Variants in ANO3 observed in about 807,000 individuals in gnomAD.
ANO3 encodes anoctamin 3.
Under a neutral mutation model 144.8 loss-of-function variants are expected in ANO3, and 99 were observed. The ratio of observed to expected loss-of-function variants is 0.68; its 90% CI spans 0.58 to 0.81. ANO3 has a LOEUF of 0.81. ANO3 is among the 30% of genes least tolerant of loss of function. The pLI, the probability that ANO3 is intolerant of heterozygous loss-of-function variation, is 0.00. For missense variants in ANO3, 905 were observed against 1,202.2 expected (o/e 0.75, Z 3.66); for synonymous variants, 414 against 392.6 (o/e 1.05, Z -0.64).
At chr11:26,643,753 T>C (rs1366327757) in intron 23 of ANO3, among the ~76,000 whole-genome samples, 1 of 151,958 alleles carries the variant, frequency 6.6e-6, no homozygotes, top group Non-Finnish European at 1.5e-5. Context: ...GATTAAGCCA[T>C]GATCCCTCAT....
At chr11:26,426,155 G>A (rs1454354924) in intron 1 of ANO3, among the ~76,000 whole-genome samples, 1 of 152,120 alleles carries the variant, frequency 6.6e-6, no homozygotes, top group Non-Finnish European at 1.5e-5. Flanking sequence ...AATAAGAAAA[G>A]TCTAACAATA....
chr11:26,360,366 TC>T (rs1855894715), intron 1 of ANO3, among the ~76,000 whole-genome samples: 1 of 151,984 alleles, frequency 6.6e-6, no homozygotes, highest in African/African-American at 2.4e-5. Flanking sequence ...CTGATGTACT[TC>T]CCTGCAGCGT....
chr11:26,302,161 T>C (rs1854248438), intron 1 of ANO3, among the ~76,000 whole-genome samples: 2 of 152,088 alleles, frequency 1.3e-5, no homozygotes, highest in Non-Finnish European at 2.9e-5. Flanking sequence ...GTGAGGAGAA[T>C]AGCTAATTCA....
At chr11:26,639,286 A>G in intron 21 of ANO3, 45 bp downstream of exon 21, 5 of 1,469,804 alleles carry the variant, frequency 3.4e-6, no homozygotes, top group African/African-American at 1.4e-5. Flanking sequence ...AGTTACAAAG[A>G]GGAAAGCTAG....
intron 21 of ANO3, among the ~76,000 whole-genome samples, chr11:26,641,678 C>T (rs1241591519): frequency 6.6e-6 from 1 of 152,018 alleles, no homozygotes; most frequent in Non-Finnish European, 1.5e-5. Context: ...CTCTCCTATG[C>T]TAAAGTTTTT....
intron 1 of ANO3, among the ~76,000 whole-genome samples, chr11:26,356,645 C>T (rs551382215): frequency 6.6e-6 from 1 of 152,174 alleles, no homozygotes; most frequent in South Asian, 2.1e-4. Flanking sequence ...AAGAAACTAC[C>T]ACAAATTAGT....
At chr11:26,530,562 A>AAT (rs1282252018) in intron 7 of ANO3, among the ~76,000 whole-genome samples, 3 of 151,404 alleles carry the variant, frequency 2.0e-5, no homozygotes. Context: ...GCTTAAAAAA[A>AAT]AAAAAACTCT....
At chr11:26,574,629 C>T (rs551380430) in intron 14 of ANO3, among the ~76,000 whole-genome samples, 46 of 151,950 alleles carry the variant, frequency 3.0e-4, no homozygotes, top group African/African-American at 7.0e-4. Context: ...TAGAATTTAA[C>T]GGCTGGGAAA....
upstream of ANO3, among the ~76,000 whole-genome samples, chr11:26,304,712 A>G (rs947903021): frequency 6.6e-6 from 1 of 152,194 alleles, no homozygotes; most frequent in African/African-American, 2.4e-5. Context: ...ATTATGTTAT[A>G]CAAGTTTTCT....
At chr11:26,525,229 A>T (rs917482405) in intron 6 of ANO3, among the ~76,000 whole-genome samples, 1 of 152,128 alleles carries the variant, frequency 6.6e-6, no homozygotes, top group Non-Finnish European at 1.5e-5. Flanking sequence ...AGAAGTATTT[A>T]TTACATACGT....
intron 3 of ANO3, among the ~76,000 whole-genome samples, chr11:26,455,050 A>G (rs1859099014): frequency 6.6e-6 from 1 of 152,028 alleles, no homozygotes; most frequent in Admixed American, 6.6e-5. Context: ...CTCTCAATAA[A>G]TTAGGTATTG....
intron 4 of ANO3, among the ~76,000 whole-genome samples, chr11:26,483,701 C>T (rs1860323211): frequency 2.0e-5 from 3 of 152,046 alleles, no homozygotes; most frequent in East Asian, 1.9e-4. Context: ...CAAGAATGAA[C>T]TAATACAGAA....
chr11:26,571,062 A>G (rs559209809), intron 14 of ANO3, among the ~76,000 whole-genome samples: 1 of 152,252 alleles, frequency 6.6e-6, no homozygotes, highest in African/African-American at 2.4e-5. Flanking sequence ...TGGCTAAAAG[A>G]CTTAGGCTAT....
At chr11:26,405,107 T>A (rs975423976) in intron 1 of ANO3, among the ~76,000 whole-genome samples, 1 of 151,682 alleles carries the variant, frequency 6.6e-6, no homozygotes, top group Non-Finnish European at 1.5e-5. Context: ...AAATGTTACT[T>A]TTTTCTCCTC....
intron 12 of ANO3, among the ~76,000 whole-genome samples, chr11:26,549,654 A>G (rs904604840): frequency 2.0e-5 from 3 of 152,080 alleles, no homozygotes; most frequent in South Asian, 2.1e-4. Flanking sequence ...ATGATTGTAT[A>G]TACATACATG....
chr11:26,602,614 T>C (rs1851831468), intron 17 of ANO3, among the ~76,000 whole-genome samples: 1 of 149,290 alleles, frequency 6.7e-6, no homozygotes, highest in Admixed American at 6.7e-5. Flanking sequence ...AAGCCAAGTG[T>C]GGTGGTGCAC....
At position 26,562,214 on chromosome 11, in the gene ANO3, CT is replaced by C. The variant is rs148264119; in HGVS notation, c.1447+2440del. Among the ~76,000 whole-genome samples, 1,179 of 151,914 alleles carry C rather than the reference CT, an allele frequency of 7.8e-3. 20 individuals are homozygous for C. Among genetic ancestry groups the C allele is most frequent in the African/African-American group, 0.027 (1,117 of 41,498 alleles). On this transcript the variant is annotated intron_variant, in intron 14 of 26. Transcript: ENST00000256737. ...ATCCTTTAATTTTTGAAGAATGGTACTTTTTGTTTTGTATTAGTTCCTAGAA... is the reference window on the plus strand; with the variant it reads ...ATCCTTTAATTTTTGAAGAATGGTACTTTTGTTTTGTATTAGTTCCTAGAA...
intron 1 of ANO3, among the ~76,000 whole-genome samples, chr11:26,401,747 C>T (rs1010804646): frequency 2.0e-5 from 3 of 151,936 alleles, no homozygotes; most frequent in African/African-American, 7.2e-5. Context: ...CATGGTGGCA[C>T]ATGTCTACAG....
intron 23 of ANO3, among the ~76,000 whole-genome samples, chr11:26,646,730 G>A (rs1267647055): frequency 6.6e-6 from 1 of 151,848 alleles, no homozygotes; most frequent in Non-Finnish European, 1.5e-5. Context: ...TAACATCTTA[G>A]GATCTTTTTG....
Sources: gnomAD v4.1 joint callset for allele counts (sites outside exome capture counted in the v4.1 genomes callset) on GRCh38, gnomAD v4.1.1 for gene constraint, MANE v1.5 for transcripts, NCBI Gene and HGNC (gene_info 2026-07-23, HGNC 2026-07-21) for gene names.